The following SRF variants were observed in gnomAD, a reference collection of about 807,000 sequenced individuals.
SRF encodes the protein serum response factor, also known as c-fos serum response element-binding transcription factor.
A neutral mutation model predicts 37.1 loss-of-function variants in SRF; 7 were observed. The observed-to-expected ratio is 0.19, with a 90% CI of 0.11 to 0.35. The LOEUF (loss-of-function observed/expected upper bound fraction) is 0.35. Among genes scored for constraint, SRF ranks in the 10% least tolerant of loss-of-function variants. SRF has a pLI of 1.00. For synonymous variants in SRF, 285 were observed against 310.1 expected (o/e 0.92, Z 0.85); for missense variants, 395 against 694.4 (o/e 0.57, Z 4.85).
rs1227449013 is a variant in SRF at position 43,171,563 on chromosome 6, G to C, written c.-94G>C. On this transcript the variant is annotated 5_prime_UTR_variant, in exon 1 of 7. Coordinates refer to ENST00000265354, the MANE Select transcript of SRF (RefSeq NM_003131.4). This position sits in a 1 kb window ranked among gnomAD's most constrained non-coding sequence, Gnocchi z 6.5. The stretch of plus-strand genomic sequence containing the variant: ...CAGCGATAGCGGCACTAGCAGCAGC[G>C]GGAGTGCCGGGTTGAGCCGGGAAGC... The C allele has an allele frequency of 8.7e-7, 1 of 1,149,768 alleles. No homozygotes were observed. The highest frequency in any genetic ancestry group is 3.8e-5 in the East Asian group (1 of 26,428). 71.2% of individuals were successfully genotyped at this position (1,149,768 alleles called of 1,614,324 possible).
Position 43,179,246 on chromosome 6 carries a change from G to C in SRF, c.*56G>C. The C allele has an allele frequency of 6.3e-7, 1 of 1,589,796 alleles. No homozygotes were observed. The highest frequency in any genetic ancestry group is 8.6e-7 in the Non-Finnish European group (1 of 1,160,004). On this transcript the variant is annotated 3_prime_UTR_variant, in exon 7 of 7. Transcript: ENST00000265354. The surrounding 1 kb of genome is among the most constrained non-coding windows in gnomAD (Gnocchi z 5.3). ...GGGATGGCACCACTTATTTATTGTTGCCTTTTCACGTTTTCTTTACACACA... is the reference window on the plus strand; with the variant it reads ...GGGATGGCACCACTTATTTATTGTTCCCTTTTCACGTTTTCTTTACACACA...
Position 43,173,436 on chromosome 6 carries a change from A to G in SRF, c.514-411A>G, listed in dbSNP as rs1236799384. On this transcript the variant is annotated intron_variant, in intron 1 of 6. Coordinates refer to ENST00000265354, the MANE Select transcript of SRF (RefSeq NM_003131.4). The surrounding 1 kb of genome is among the most constrained non-coding windows in gnomAD (Gnocchi z 4.2). ...GGGACAGTTGGAGCTTAAATGGTCC[A>G]TTATCACTAATGTCTTGTACAAATT... Among the ~76,000 whole-genome samples the G allele has an allele frequency of 6.6e-6, 1 of 152,232 alleles. No homozygotes were observed. Among genetic ancestry groups the G allele is most frequent in the Non-Finnish European group, 1.5e-5 (1 of 68,034 alleles).
Position 43,176,063 on chromosome 6 carries a change from C to G in SRF, c.1042+96C>G. On this transcript the variant is annotated intron_variant, in intron 3 of 6. Coordinates refer to ENST00000265354, the MANE Select transcript of SRF (RefSeq NM_003131.4). This position sits in a 1 kb window ranked among gnomAD's most constrained non-coding sequence, Gnocchi z 4.0. Reference sequence around the variant, plus strand: ...GGCTGGCACCAAGAGAACCTCTTTCCCTGCTCAGAAGGAAGGTGAATAGGG... The same window carrying G: ...GGCTGGCACCAAGAGAACCTCTTTCGCTGCTCAGAAGGAAGGTGAATAGGG... 1 of 1,501,838 alleles carries G rather than the reference C, an allele frequency of 6.7e-7. No homozygotes were observed. The highest frequency in any genetic ancestry group is 8.9e-7 in the Non-Finnish European group (1 of 1,119,896). The allele number at this position is 1,501,838 out of a possible 1,614,324, so 93.0% of individuals were successfully genotyped here.
chr6:43,175,624 T>TAAAAA, intron 2 of SRF, 82 bp from the exon 3 acceptor site: 1 of 1,574,024 alleles, frequency 6.4e-7, no homozygotes, highest in South Asian at 1.1e-5. Context: ...CTGGTTTCAG[T>TAAAAA]CTGGGTTCTC....
In SRF at chr6:43,171,733, C is replaced by T. The variant is rs1286879354; in HGVS notation, c.77C>T (p.Pro26Leu). The change falls in exon 1 of 7, where the codon CCG becomes CTG. Residue 26 changes from proline (P) to leucine (L), a missense_variant. Transcript: ENST00000265354. This position sits in a 1 kb window ranked among gnomAD's most constrained non-coding sequence, Gnocchi z 6.5. ...CTGGGGGGCAGCCTGAACCGGACCC[C>T]GACGGGGCGGCCGGGCGGCGGCGGC... ...SALGGSLNRT[P>L]TGRPGGGGGT... 1 of 1,203,198 alleles carries T rather than the reference C, an allele frequency of 8.3e-7. No homozygotes were observed. The highest frequency in any genetic ancestry group is 1.0e-6 in the Non-Finnish European group (1 of 969,156). The allele number at this position is 1,203,198 out of a possible 1,614,324, so 74.5% of individuals were successfully genotyped here.
rs1772104586 is a variant in SRF, at chr6:43,171,748, G to C, written c.92G>C (p.Gly31Ala). 12 of 1,187,876 alleles carry C rather than the reference G, an allele frequency of 1.0e-5. No individual in the cohort carries two copies. Among genetic ancestry groups the C allele is most frequent in the Non-Finnish European group, 1.3e-5 (12 of 958,906 alleles). The allele number at this position is 1,187,876 out of a possible 1,614,324, so 73.6% of individuals were successfully genotyped here. ...SLNRTPTGRP[G>A]GGGGTRGANG... is the part of the protein sequence containing the mutation. ...AACCGGACCCCGACGGGGCGGCCGG[G>C]CGGCGGCGGCGGGACACGCGGGGCT... is the stretch of plus-strand genomic sequence containing the variant. Residue 31 changes from glycine (G) to alanine (A), a missense_variant, in exon 1 of 7, where the codon GGC (glycine) becomes GCC (alanine). Gly to Ala is a moderately conservative substitution (Grantham distance 60, BLOSUM62 0). This residue lies in a region of SRF where 134 missense variants were observed against 204.5 expected (regional missense o/e 0.66). Transcript: ENST00000265354. The surrounding 1 kb of genome is among the most constrained non-coding windows in gnomAD (Gnocchi z 6.5).
rs1772237757 is a variant in SRF at position 43,178,007 on chromosome 6, A to G, written c.1163-287A>G. Among the ~76,000 whole-genome samples, 1 of 152,074 alleles carries G rather than the reference A, an allele frequency of 6.6e-6. No individual in the cohort carries two copies. Among genetic ancestry groups the G allele is most frequent in the African/African-American group, 2.4e-5 (1 of 41,404 alleles). ...GGGAGTATCTGAGTTTTCTGAGAGT[A>G]GGTCAGTCATAATCTTTGTTTTTCC... On this transcript the variant is annotated intron_variant, in intron 4 of 6. Coordinates refer to ENST00000265354, the MANE Select transcript of SRF (RefSeq NM_003131.4). The surrounding 1 kb of genome is among the most constrained non-coding windows in gnomAD (Gnocchi z 4.3).
chr6:43,174,958 G>C (rs1024666019), intron 2 of SRF, among the ~76,000 whole-genome samples: 6 of 152,156 alleles, frequency 3.9e-5, no homozygotes, highest in Non-Finnish European at 8.8e-5. Flanking sequence ...TCCTCTCTTA[G>C]TGGCATATCA....
chr6:43,176,697 C>A lies in SRF; in HGVS notation c.1162+30C>A. On this transcript the variant is annotated intron_variant, in intron 4 of 6. Transcript: ENST00000265354. This position sits in a 1 kb window ranked among gnomAD's most constrained non-coding sequence, Gnocchi z 4.0. ...AGCTCGCAGCCCTGTCACCCTCCCT[C>A]CCTGCCTTCCCCCACGAGGCCTAGC... 6.2e-7 allele frequency: 1 copy of A among 1,605,956 alleles called. No homozygotes were observed. Among genetic ancestry groups the A allele is most frequent in the Non-Finnish European group, 8.5e-7 (1 of 1,173,906 alleles).
In SRF at chr6:43,172,014, G is replaced by A; in HGVS notation, c.358G>A (p.Ala120Thr). The change falls in exon 1 of 7, where the codon GCC (alanine) becomes ACC (threonine). Residue 120 changes from alanine to threonine, a missense_variant. This residue lies in a region of SRF where 134 missense variants were observed against 204.5 expected (regional missense o/e 0.66). Transcript: ENST00000265354. This position sits in a 1 kb window ranked among gnomAD's most constrained non-coding sequence, Gnocchi z 5.7. ...VVGGPEASAA[A>T]TGGYGPVSGA... Reference sequence around the variant, plus strand: ...CGGTGGGCCCGAGGCGTCGGCAGCGGCCACCGGGGGCTACGGGCCGGTGAG... The same window carrying A: ...CGGTGGGCCCGAGGCGTCGGCAGCGACCACCGGGGGCTACGGGCCGGTGAG... 1 of 1,585,952 alleles carries A rather than the reference G, an allele frequency of 6.3e-7. No homozygotes were observed. Among genetic ancestry groups the A allele is most frequent in the East Asian group, 2.3e-5 (1 of 43,764 alleles).
Position 43,176,605 on chromosome 6 carries a change from A to G in SRF, c.1100A>G (p.Gln367Arg). ...GCCATTCAAGTGCACCAGGCCCCAC[A>G]GCAAGCGTCTCCCTCCCGTGACAGC... ...VQAIQVHQAP[Q>R]QASPSRDSST... The change falls in exon 4 of 7, where the codon CAG (glutamine) becomes CGG (arginine). Residue 367 changes from glutamine to arginine, a missense_variant. By Grantham distance (43) the Gln-to-Arg change is conservative. Around this residue, in one of 4 missense-constraint regions of SRF, gnomAD observed 232 missense variants for 335.6 expected, o/e 0.69. Coordinates refer to ENST00000265354, the MANE Select transcript of SRF (RefSeq NM_003131.4). This position sits in a 1 kb window ranked among gnomAD's most constrained non-coding sequence, Gnocchi z 4.0. 1 of 1,614,194 alleles carries G rather than the reference A, an allele frequency of 6.2e-7. No homozygotes were observed. The highest frequency in any genetic ancestry group is 8.5e-7 in the Non-Finnish European group (1 of 1,180,026).
Position 43,175,941 on chromosome 6 carries a change from T to C in SRF, c.1016T>C (p.Leu339Pro). 1.2e-6 allele frequency: 2 copies of C among 1,613,700 alleles called. No homozygotes were observed. Among genetic ancestry groups the C allele is most frequent in the Non-Finnish European group, 1.7e-6 (2 of 1,179,858 alleles). The change falls in exon 3 of 7, where the codon CTG becomes CCG. Residue 339 changes from leucine to proline, a missense_variant. By Grantham distance (98) the Leu-to-Pro change is moderately conservative. Coordinates refer to ENST00000265354, the MANE Select transcript of SRF (RefSeq NM_003131.4). Reference protein sequence around the residue: ...GPVSSGGLMQLPTSFTLMPGG... With the variant: ...GPVSSGGLMQPPTSFTLMPGG... ...GTCTCCTCTGGGGGCCTTATGCAGCTGCCTACCAGCTTCACCCTCATGCCT... is the reference window on the plus strand; with the variant it reads ...GTCTCCTCTGGGGGCCTTATGCAGCCGCCTACCAGCTTCACCCTCATGCCT...
intron 2 of SRF, among the ~76,000 whole-genome samples, 181 bp from the exon 3 acceptor site, chr6:43,175,525 G>A (rs1398813743): frequency 1.3e-5 from 2 of 152,182 alleles, no homozygotes; most frequent in East Asian, 1.9e-4. Flanking sequence ...TCCTTTTACC[G>A]ATAGAAAACT....
chr6:43,172,406 G>C lies in SRF; in HGVS notation c.513+237G>C. 1.0e-6 allele frequency: 1 copy of C among 985,422 alleles called. No individual in the cohort carries two copies. The highest frequency in any genetic ancestry group is 1.2e-6 in the Non-Finnish European group (1 of 829,922). The allele number at this position is 985,422 out of a possible 1,614,324, so 61.0% of individuals were successfully genotyped here. ...ACCGTGGGGAAAGGCGCAGAGGTGG[G>C]AGTGACCGGCGCCAGAGAGGAAGAG... is the stretch of plus-strand genomic sequence containing the variant. On this transcript the variant is annotated intron_variant, in intron 1 of 6. Transcript: ENST00000265354. This position sits in a 1 kb window ranked among gnomAD's most constrained non-coding sequence, Gnocchi z 5.7.
intron 2 of SRF, 77 bp from the exon 3 acceptor site, chr6:43,175,629 G>C: frequency 1.3e-6 from 2 of 1,585,434 alleles, no homozygotes; most frequent in Non-Finnish European, 1.7e-6. Flanking sequence ...TTCAGTCTGG[G>C]TTCTCAGTCC....
Position 43,172,476 on chromosome 6 carries a change from C to T in SRF, c.513+307C>T. 1.0e-6 allele frequency: 1 copy of T among 984,850 alleles called. No individual in the cohort carries two copies. The highest frequency in any genetic ancestry group is 1.2e-6 in the Non-Finnish European group (1 of 829,516). 61.0% of individuals were successfully genotyped at this position (984,850 alleles called of 1,614,324 possible). A position where few individuals can be genotyped will look rare whatever the true frequency, so the allele number is the denominator to read the frequency against. The stretch of plus-strand genomic sequence containing the variant: ...GGTGAGGAGCGGTGATGGGAGGCTA[C>T]GAGGCTGCCGGGGAGGTGGATAATG... On this transcript the variant is annotated intron_variant, in intron 1 of 6. Coordinates refer to ENST00000265354, the MANE Select transcript of SRF (RefSeq NM_003131.4). The surrounding 1 kb of genome is among the most constrained non-coding windows in gnomAD (Gnocchi z 5.7).
In SRF at chr6:43,171,539, A is replaced by G. The variant is rs922055283; in HGVS notation, c.-118A>G. The G allele has an allele frequency of 1.7e-5, 18 of 1,084,734 alleles. No individual in the cohort carries two copies. The highest frequency in any genetic ancestry group is 2.1e-5 in the Non-Finnish European group (18 of 869,378). 67.2% of individuals were successfully genotyped at this position (1,084,734 alleles called of 1,614,324 possible). A position where few individuals can be genotyped will look rare whatever the true frequency, so the allele number is the denominator to read the frequency against. On this transcript the variant is annotated 5_prime_UTR_variant, in exon 1 of 7. Coordinates refer to ENST00000265354, the MANE Select transcript of SRF (RefSeq NM_003131.4). The surrounding 1 kb of genome is among the most constrained non-coding windows in gnomAD (Gnocchi z 6.5). ...CCGGGTTCGCAGCGGCGGCCGCGGCAGCGATAGCGGCACTAGCAGCAGCGG... is the reference window on the plus strand; with the variant it reads ...CCGGGTTCGCAGCGGCGGCCGCGGCGGCGATAGCGGCACTAGCAGCAGCGG...
chr6:43,174,348 C>T (rs898484829), intron 2 of SRF, among the ~76,000 whole-genome samples: 1 of 152,186 alleles, frequency 6.6e-6, no homozygotes, highest in Non-Finnish European at 1.5e-5. Flanking sequence ...GCCTCCCGCC[C>T]GCAGCCCGCC....
Position 43,179,773 on chromosome 6 carries a change from C to G in SRF, c.*583C>G, listed in dbSNP as rs1451902528. On this transcript the variant is annotated 3_prime_UTR_variant, in exon 7 of 7. Coordinates refer to ENST00000265354, the MANE Select transcript of SRF (RefSeq NM_003131.4). The surrounding 1 kb of genome is among the most constrained non-coding windows in gnomAD (Gnocchi z 5.3). ...TGGGCAGGTTCCTGGGGCCGCCTGCCCTGCCTTGCCGCTCCCCTTGGACCT... is the reference window on the plus strand; with the variant it reads ...TGGGCAGGTTCCTGGGGCCGCCTGCGCTGCCTTGCCGCTCCCCTTGGACCT... 1 of 155,070 alleles carries G rather than the reference C, an allele frequency of 6.4e-6. No individual in the cohort carries two copies. The highest frequency in any genetic ancestry group is 2.4e-5 in the African/African-American group (1 of 41,442). 9.6% of individuals were successfully genotyped at this position (155,070 alleles called of 1,614,324 possible). A position where few individuals can be genotyped will look rare whatever the true frequency, so the allele number is the denominator to read the frequency against.
Sources: allele counts gnomAD v4.1 joint callset (sites outside exome capture counted in the v4.1 genomes callset), GRCh38; gene constraint gnomAD v4.1.1; regional missense constraint gnomAD v4.1.1; non-coding constraint Gnocchi (gnomAD v3.1); transcripts MANE v1.5; gene names NCBI Gene and HGNC (gene_info 2026-07-23, HGNC 2026-07-21).